CCDC6: variants seen among roughly 807,000 people sequenced by gnomAD.
CCDC6 encodes the protein coiled-coil domain-containing protein 6.
CCDC6 carries 20 observed loss-of-function variants against 56.6 expected under a neutral mutation model. The ratio of observed to expected loss-of-function variants is 0.35; its 90% CI spans 0.25 to 0.51. CCDC6 has a LOEUF of 0.51. Among genes scored for constraint, CCDC6 ranks in the 20% least tolerant of loss-of-function variants. CCDC6 has a pLI of 0.95. For missense variants in CCDC6, 367 were observed against 601.1 expected (o/e 0.61, Z 4.07); for synonymous variants, 241 against 234.4 (o/e 1.03, Z -0.26).
intron 1 of CCDC6, among the ~76,000 whole-genome samples, chr10:59,895,582 A>C (rs1030797195): frequency 1.3e-5 from 2 of 152,230 alleles, no homozygotes; most frequent in Admixed American, 1.3e-4. Flanking sequence ...TAAGCACTGG[A>C]TAAACATCCA....
intron 3 of CCDC6, among the ~76,000 whole-genome samples, chr10:59,823,432 T>C (rs551322531): frequency 1.2e-4 from 18 of 152,274 alleles, no homozygotes; most frequent in Admixed American, 9.1e-4. Context: ...TGCCAGCACT[T>C]GTTCACTCCA....
chr10:59,904,572 C>A (rs1423859093), intron 1 of CCDC6, among the ~76,000 whole-genome samples: 1 of 152,208 alleles, frequency 6.6e-6, no homozygotes, highest in Non-Finnish European at 1.5e-5. Flanking sequence ...AACCCCCACT[C>A]AGCAAAGACA....
At chr10:59,822,908 A>AC (rs1755737999) in intron 3 of CCDC6, among the ~76,000 whole-genome samples, 1 of 151,530 alleles carries the variant, frequency 6.6e-6, no homozygotes, top group Non-Finnish European at 1.5e-5. Flanking sequence ...ATAAAAAAAA[A>AC]ACAACCCCAG....
intron 3 of CCDC6, among the ~76,000 whole-genome samples, chr10:59,819,287 C>G (rs2070733403): frequency 6.6e-6 from 1 of 152,162 alleles, no homozygotes. Context: ...ATTACATAGG[C>G]TGGCAGTGCT....
chr10:59,885,695 G>C (rs1470392419), intron 1 of CCDC6, among the ~76,000 whole-genome samples: 1 of 151,982 alleles, frequency 6.6e-6, no homozygotes, highest in Non-Finnish European at 1.5e-5. Flanking sequence ...TCTTCCCTGG[G>C]CCCAGAACAT....
intron 1 of CCDC6, among the ~76,000 whole-genome samples, chr10:59,864,791 C>T (rs1269231983): frequency 6.6e-6 from 1 of 152,104 alleles, no homozygotes; most frequent in Non-Finnish European, 1.5e-5. Context: ...ACTCCCACCT[C>T]TTAATGACAG....
rs893567420 is a variant in CCDC6, at chr10:59,791,729, T to G, written c.*1188A>C. 5 of 212,698 alleles carry G rather than the reference T, an allele frequency of 2.4e-5. No individual in the cohort carries two copies. The highest frequency in any genetic ancestry group is 1.2e-4 in the Admixed American group (2 of 17,022). The allele number at this position is 212,698 out of a possible 1,614,324, so 13.2% of individuals were successfully genotyped here. ...ACAAAAATTAAGATGTTGCACGTGTTAAGAAAAGAGTGACTCAGTGTTCCA... is the reference window on the plus strand; with the variant it reads ...ACAAAAATTAAGATGTTGCACGTGTGAAGAAAAGAGTGACTCAGTGTTCCA... On this transcript the variant is annotated 3_prime_UTR_variant, in exon 9 of 9. Transcript: ENST00000263102.
At chr10:59,903,936 T>A (rs892053615) in intron 1 of CCDC6, among the ~76,000 whole-genome samples, 2 of 152,234 alleles carry the variant, frequency 1.3e-5, no homozygotes, top group Non-Finnish European at 2.9e-5. Context: ...CTAGGTCAGT[T>A]AACAAAACCT....
rs145840064 is a variant in CCDC6, at chr10:59,831,466, G to A, written c.582+1059C>T. ...TCAGGTAAAATATTCAAACGAGAGC[G>A]GTCCTGAGAGTGACTGATGGAATGA... On this transcript the variant is annotated intron_variant, in intron 3 of 8. Transcript: ENST00000263102. Among the ~76,000 whole-genome samples the A allele has an allele frequency of 7.2e-5, 11 of 152,282 alleles. No homozygotes were observed. The East Asian group carries it at 2.1e-3, about 29-fold the overall frequency.
intron 1 of CCDC6, among the ~76,000 whole-genome samples, chr10:59,863,103 CA>C (rs576371456): frequency 0.014 from 2,089 of 151,332 alleles, 54 homozygotes; most frequent in African/African-American, 0.045. Context: ...AAAGAAGCTG[CA>C]AAAAAAATAC....
chr10:59,892,456 T>C (rs983078322), intron 1 of CCDC6, among the ~76,000 whole-genome samples: 2 of 152,168 alleles, frequency 1.3e-5, no homozygotes, highest in Non-Finnish European at 2.9e-5. Context: ...ACATGGGTCG[T>C]TAGAAGCCAG....
intron 1 of CCDC6, among the ~76,000 whole-genome samples, chr10:59,879,881 G>A (rs1346103748): frequency 6.6e-6 from 1 of 152,068 alleles, no homozygotes; most frequent in Non-Finnish European, 1.5e-5. Flanking sequence ...TTCAATATGT[G>A]CCTAGAGGTC....
intron 3 of CCDC6, among the ~76,000 whole-genome samples, chr10:59,816,936 GA>G (rs1564740848): frequency 6.6e-6 from 1 of 152,172 alleles, no homozygotes; most frequent in Non-Finnish European, 1.5e-5. Context: ...TTGCATGGCA[GA>G]ATTTGATTCT....
chr10:59,893,890 T>G (rs769068740), intron 1 of CCDC6, among the ~76,000 whole-genome samples: 6 of 152,144 alleles, frequency 3.9e-5, no homozygotes, highest in Non-Finnish European at 7.3e-5. Context: ...CCAACTGCTG[T>G]GTTCAATCCC....
intron 2 of CCDC6, among the ~76,000 whole-genome samples, chr10:59,847,203 C>T (rs566929367): frequency 1.3e-5 from 2 of 152,220 alleles, no homozygotes; most frequent in South Asian, 4.1e-4. Flanking sequence ...CAGGTGCCTG[C>T]CACCACGCCG....
At chr10:59,900,398 C>T (rs3793866) in intron 1 of CCDC6, among the ~76,000 whole-genome samples, 26,783 of 152,040 alleles carry the variant, frequency 0.18, 3,057 homozygotes, top group Middle Eastern at 0.27. Flanking sequence ...TTTAAGGGGA[C>T]GAGCGGCACC....
chr10:59,817,327 C>T (rs1350509595), intron 3 of CCDC6, among the ~76,000 whole-genome samples: 1 of 152,118 alleles, frequency 6.6e-6, no homozygotes, highest in Admixed American at 6.5e-5. Flanking sequence ...ACTACAGGCA[C>T]ACACCACCAC....
intron 3 of CCDC6, among the ~76,000 whole-genome samples, chr10:59,825,540 T>A (rs567698173): frequency 6.6e-6 from 1 of 152,174 alleles, no homozygotes; most frequent in Non-Finnish European, 1.5e-5. Context: ...TAAAACCACA[T>A]CACCCAAGGA....
chr10:59,900,366 A>C (rs989912479), intron 1 of CCDC6, among the ~76,000 whole-genome samples: 53 of 152,278 alleles, frequency 3.5e-4, no homozygotes, highest in Middle Eastern at 3.4e-3. Flanking sequence ...GGTAGAAAAG[A>C]GGGGAGGAAT....
Sources: gnomAD v4.1 joint callset for allele counts (sites outside exome capture counted in the v4.1 genomes callset) on GRCh38, gnomAD v4.1.1 for gene constraint, MANE v1.5 for transcripts, NCBI Gene and HGNC (gene_info 2026-07-23, HGNC 2026-07-21) for gene names.